PCNX4: variants seen among roughly 807,000 people sequenced by gnomAD.
PCNX4 encodes pecanex-like protein 4.
PCNX4 carries 103 observed loss-of-function variants against 107.2 expected under a neutral mutation model. The observed-to-expected ratio is 0.96, with a 90% confidence interval of 0.82 to 1.13. The LOEUF (loss-of-function observed/expected upper bound fraction) is 1.13. Among genes scored for constraint, PCNX4 ranks in the 50% most tolerant of loss-of-function variants. The pLI is 0.00. For missense variants in PCNX4, 1,528 were observed against 1,379.4 expected (o/e 1.11, Z -1.71); for synonymous variants, 541 against 481.7 (o/e 1.12, Z -1.61).
chr14:60,140,492 C>T lies in PCNX4; in HGVS notation c.*6271C>T, dbSNP rs11628904. 1 of 152,030 alleles carries T rather than the reference C, an allele frequency of 6.6e-6. No homozygotes were observed. The highest frequency in any genetic ancestry group is 1.5e-5 in the Non-Finnish European group (1 of 67,996). The allele number at this position is 152,030 out of a possible 1,614,324, so 9.4% of individuals were successfully genotyped here. On this transcript the variant is annotated 3_prime_UTR_variant, in exon 11 of 11. Transcript: ENST00000406854. The surrounding 1 kb of genome is among the most constrained non-coding windows in gnomAD (Gnocchi z 4.2). ...AACTCATTTTATGATGCCAGAAAAC[C>T]TAGATACCAAAACCTGGCAAAAACT...
intron 7 of PCNX4, among the ~76,000 whole-genome samples, chr14:60,119,307 T>A (rs1414614280): frequency 6.6e-6 from 1 of 152,218 alleles, no homozygotes; most frequent in Non-Finnish European, 1.5e-5. Flanking sequence ...AAACACTAAC[T>A]GTAAATTTTA....
Position 60,115,341 on chromosome 14 carries a change from A to G in PCNX4, c.1237A>G (p.Ile413Val), listed in dbSNP as rs764829037. The change falls in exon 4 of 11, where the codon ATC becomes GTC. Residue 413 changes from isoleucine to valine, a missense_variant. Physicochemically the swap from Ile to Val is conservative, Grantham distance 29. Transcript: ENST00000406854. ...WILREIQSVY[I>V]IGIFRNPFYP... is the part of the protein sequence containing the mutation. ...ACTTAGAGAAATTCAAAGCGTATATATCATTGGAATTTTCCGAAATCCCTT... is the reference window on the plus strand; with the variant it reads ...ACTTAGAGAAATTCAAAGCGTATATGTCATTGGAATTTTCCGAAATCCCTT... 6 of 1,605,882 alleles carry G rather than the reference A, an allele frequency of 3.7e-6. No homozygotes were observed. The South Asian group carries it at 6.7e-5, about 18-fold the overall frequency.
chr14:60,124,309 G>A lies in PCNX4; in HGVS notation c.2138G>A (p.Arg713Lys). 10 of 1,610,870 alleles carry A rather than the reference G, an allele frequency of 6.2e-6. No individual in the cohort carries two copies. Among genetic ancestry groups the A allele is most frequent in the Non-Finnish European group, 8.5e-6 (10 of 1,178,202 alleles). ...FEDAFEQEYT[R>K]VCSLNEHFGN... is the part of the protein sequence containing the mutation. Reference sequence around the variant, plus strand: ...GATGCTTTTGAGCAAGAATACACAAGAGTATGTTCCCTTAATGAACACTTT... The same window carrying A: ...GATGCTTTTGAGCAAGAATACACAAAAGTATGTTCCCTTAATGAACACTTT... The change falls in exon 9 of 11, where the codon AGA (arginine) becomes AAA (lysine). Residue 713 changes from arginine (R) to lysine (K), a missense_variant. Coordinates refer to ENST00000406854, the MANE Select transcript of PCNX4 (RefSeq NM_001330177.2).
At position 60,137,351 on chromosome 14, in the gene PCNX4, A is replaced by C. The variant is rs753454754; in HGVS notation, c.*3130A>C. 1 of 152,190 alleles carries C rather than the reference A, an allele frequency of 6.6e-6. No individual in the cohort carries two copies. The highest frequency in any genetic ancestry group is 2.4e-5 in the African/African-American group (1 of 41,432). 9.4% of individuals were successfully genotyped at this position (152,190 alleles called of 1,614,324 possible). A position where few individuals can be genotyped will look rare whatever the true frequency, so the allele number is the denominator to read the frequency against. On this transcript the variant is annotated 3_prime_UTR_variant, in exon 11 of 11. Coordinates refer to ENST00000406854, the MANE Select transcript of PCNX4 (RefSeq NM_001330177.2). ...AGGGGAAAGGAATCCTAGTTAACTG[A>C]CCATACATTGGGTTGTGACCCCAAG...
intron 4 of PCNX4, 92 bp downstream of exon 4, chr14:60,115,553 A>G: frequency 7.0e-7 from 1 of 1,432,178 alleles, no homozygotes; most frequent in Non-Finnish European, 9.3e-7. Context: ...GTGTGGTATT[A>G]TACCATATAC....
chr14:60,124,878 A>C lies in PCNX4; in HGVS notation c.2707A>C (p.Ser903Arg). 1 of 1,613,854 alleles carries C rather than the reference A, an allele frequency of 6.2e-7. No individual in the cohort carries two copies. ...DMPYIPLMEFSCSHSHLVCLP... is the reference protein window; with the variant it reads ...DMPYIPLMEFRCSHSHLVCLP... Reference sequence around the variant, plus strand: ...GCCATATATTCCTCTCATGGAGTTCAGTTGTTCACATTCTCACTTAGTATG... The same window carrying C: ...GCCATATATTCCTCTCATGGAGTTCCGTTGTTCACATTCTCACTTAGTATG... The change falls in exon 9 of 11, where the codon AGT becomes CGT. Residue 903 changes from serine (S) to arginine (R), a missense_variant. Coordinates refer to ENST00000406854, the MANE Select transcript of PCNX4 (RefSeq NM_001330177.2).
chr14:60,133,077 GT>G, intron 10 of PCNX4, among the ~76,000 whole-genome samples: 1 of 152,242 alleles, frequency 6.6e-6, no homozygotes, highest in South Asian at 2.1e-4. Context: ...TGACCTAGCA[GT>G]TCTATCCCTA....
At chr14:60,128,746 A>G (rs1473667619) in intron 10 of PCNX4, among the ~76,000 whole-genome samples, 1 of 152,226 alleles carries the variant, frequency 6.6e-6, no homozygotes, top group Non-Finnish European at 1.5e-5. Context: ...TCTATAAAAC[A>G]ATATGTATTC....
rs200434027 is a variant in PCNX4 at position 60,104,318 on chromosome 14, C to CAAAAAA, written c.-53-3244_-53-3239dup. On this transcript the variant is annotated intron_variant, in intron 1 of 10. Coordinates refer to ENST00000406854, the MANE Select transcript of PCNX4 (RefSeq NM_001330177.2). The stretch of plus-strand genomic sequence containing the variant: ...TGGGTGACAGAGCAAGACTCCATCT[C>CAAAAAA]AAAAAAAAAAAAAAAAAAAAAAAAA... 8.9e-4 allele frequency among the ~76,000 whole-genome samples: 115 copies of CAAAAAA among 129,530 alleles called. 1 individual carries two copies. Among genetic ancestry groups the CAAAAAA allele is most frequent in the African/African-American group, 3.8e-3 (109 of 28,384 alleles). 85.0% of individuals were successfully genotyped at this position (129,530 alleles called of 152,430 possible).
rs949866098 is a variant in PCNX4, at chr14:60,105,001, T to C, written c.-53-2585T>C. On this transcript the variant is annotated intron_variant, in intron 1 of 10. Coordinates refer to ENST00000406854, the MANE Select transcript of PCNX4 (RefSeq NM_001330177.2). The stretch of plus-strand genomic sequence containing the variant: ...AAAATCCTTGAGACCAGAAGTGTTT[T>C]GGATTTGGGTTTTTTTTCCCCAGAT... 3.3e-5 allele frequency among the ~76,000 whole-genome samples: 5 copies of C among 152,180 alleles called. No individual in the cohort carries two copies. The East Asian group carries it at 9.6e-4, about 29-fold the overall frequency.
At chr14:60,121,870 C>T (rs963225757) in intron 8 of PCNX4, among the ~76,000 whole-genome samples, 1 of 152,134 alleles carries the variant, frequency 6.6e-6, no homozygotes, top group South Asian at 2.1e-4. Context: ...CAGTCTTATT[C>T]GAACCATCAG....
rs1019632201 is a variant in PCNX4, at chr14:60,146,068, A to T, written c.*11847A>T. ...AAATAGTGGGAGAGAGGAAGAGTAC[A>T]GACTATAAAGAATGAGGTATTATGT... On this transcript the variant is annotated 3_prime_UTR_variant, in exon 11 of 11. Transcript: ENST00000406854. The surrounding 1 kb of genome is among the most constrained non-coding windows in gnomAD (Gnocchi z 4.9). 6.6e-6 allele frequency: 1 copy of T among 151,040 alleles called. No homozygotes were observed. The highest frequency in any genetic ancestry group is 2.1e-4 in the South Asian group (1 of 4,822). 9.4% of individuals were successfully genotyped at this position (151,040 alleles called of 1,614,324 possible). A position where few individuals can be genotyped will look rare whatever the true frequency, so the allele number is the denominator to read the frequency against.
chr14:60,110,096 C>T (rs188768750), intron 2 of PCNX4: 3 of 167,188 alleles, frequency 1.8e-5, no homozygotes, highest in East Asian at 3.9e-4. Context: ...CTGAAGAGAA[C>T]ACCAAAAGTG....
chr14:60,117,542 G>A (rs180831372), intron 6 of PCNX4, among the ~76,000 whole-genome samples: 2 of 152,048 alleles, frequency 1.3e-5, no homozygotes, highest in Non-Finnish European at 2.9e-5. Flanking sequence ...ATTTATCTTG[G>A]GTATACCTAC....
In PCNX4 at chr14:60,108,015, C is replaced by G; in HGVS notation, c.377C>G (p.Thr126Ser). The G allele has an allele frequency of 5.0e-6, 8 of 1,612,862 alleles. No homozygotes were observed. Among genetic ancestry groups the G allele is most frequent in the Non-Finnish European group, 6.8e-6 (8 of 1,179,860 alleles). The part of the protein sequence containing the change: ...HEFTSCTGAE[T>S]VKFLIPGKKY... ...TTTACCAGTTGTACTGGTGCTGAGA[C>G]TGTCAAATTTCTCATTCCTGGCAAG... is the stretch of plus-strand genomic sequence containing the variant. The change falls in exon 2 of 11, where the codon ACT becomes AGT. Residue 126 changes from threonine (T) to serine (S), a missense_variant. Coordinates refer to ENST00000406854, the MANE Select transcript of PCNX4 (RefSeq NM_001330177.2).
At chr14:60,131,749 A>G (rs932725156) in intron 10 of PCNX4, among the ~76,000 whole-genome samples, 10 of 152,232 alleles carry the variant, frequency 6.6e-5, no homozygotes, top group African/African-American at 2.4e-4. Flanking sequence ...AGCCAGAACA[A>G]TCTTGAAAAA....
At chr14:60,093,798 A>G (rs1301654634) in intron 1 of PCNX4, among the ~76,000 whole-genome samples, 1 of 152,228 alleles carries the variant, frequency 6.6e-6, no homozygotes, top group African/African-American at 2.4e-5. Flanking sequence ...ATCATTTTAC[A>G]TAACCACCAG....
chr14:60,112,335 A>G (rs1042354926), intron 2 of PCNX4, among the ~76,000 whole-genome samples: 1 of 152,172 alleles, frequency 6.6e-6, no homozygotes, highest in Non-Finnish European at 1.5e-5. Flanking sequence ...TTAGGTTCCA[A>G]ACTAAGTTTT....
intron 8 of PCNX4, 42 bp downstream of exon 8, chr14:60,121,341 A>T (rs747426536): frequency 6.3e-7 from 1 of 1,584,946 alleles, no homozygotes; most frequent in South Asian, 1.2e-5. Flanking sequence ...TTTATAGTTC[A>T]TGTGTAAAAT....
Sources: gnomAD v4.1 joint callset for allele counts (sites outside exome capture counted in the v4.1 genomes callset) on GRCh38, gnomAD v4.1.1 for gene constraint, Gnocchi (gnomAD v3.1) non-coding constraint, MANE v1.5 for transcripts, NCBI Gene and HGNC (gene_info 2026-07-23, HGNC 2026-07-21) for gene names.